The following PRPF39 variants were observed in gnomAD, a reference collection of about 807,000 sequenced individuals.
PRPF39 encodes the protein pre-mRNA-processing factor 39.
In PRPF39, 27 loss-of-function variants were observed where a neutral mutation model predicts 82.1. The ratio of observed to expected loss-of-function variants is 0.33; its 90% CI spans 0.24 to 0.45. PRPF39 has a LOEUF of 0.45. Among genes scored for constraint, PRPF39 ranks in the 20% least tolerant of loss-of-function variants. PRPF39 has a pLI of 1.00. For missense variants in PRPF39, 581 were observed against 796.9 expected (o/e 0.73, Z 3.26); for synonymous variants, 261 against 256.4 (o/e 1.02, Z -0.17).
At chr14:45,112,020 C>T (rs1289439373) in intron 10 of PRPF39, among the ~76,000 whole-genome samples, 1 of 151,814 alleles carries the variant, frequency 6.6e-6, no homozygotes. Context: ...TTCTAATTGT[C>T]ATGGTAGGTC....
In PRPF39 at chr14:45,116,278, G is replaced by C. The variant is rs1203413702; in HGVS notation, c.*1365G>C. 1 of 1,582,962 alleles carries C rather than the reference G, an allele frequency of 6.3e-7. No individual in the cohort carries two copies. The highest frequency in any genetic ancestry group is 1.7e-5 in the Admixed American group (1 of 59,912). The stretch of plus-strand genomic sequence containing the variant: ...CTGTTGAAGAAGTCAAGGTACATTT[G>C]ATAAAAAGTGCCTCTCCCCTACCCC... On this transcript the variant is annotated 3_prime_UTR_variant, in exon 14 of 14. Transcript: ENST00000355765.
chr14:45,105,156 G>T (rs1439717279), intron 5 of PRPF39, among the ~76,000 whole-genome samples: 1 of 152,076 alleles, frequency 6.6e-6, no homozygotes, highest in Non-Finnish European at 1.5e-5. Flanking sequence ...CTGAATAAAT[G>T]TTAGCTTTAT....
At chr14:45,097,462 T>C (rs1319714176) in intron 4 of PRPF39, among the ~76,000 whole-genome samples, 3 of 152,198 alleles carry the variant, frequency 2.0e-5, no homozygotes, top group African/African-American at 7.2e-5. Flanking sequence ...AGTGAACATC[T>C]CTGTACAAGT....
Position 45,110,773 on chromosome 14 carries a change from C to T in PRPF39, c.1528C>T (p.Pro510Ser). ...TCTTTTCAAAATACAGAAAAACCTTCCAAAATCAAGAAAGGTGCTTTTGGA... is the reference window on the plus strand; with the variant it reads ...TCTTTTCAAAATACAGAAAAACCTTTCAAAATCAAGAAAGGTGCTTTTGGA... ...RHLFKIQKNL[P>S]KSRKVLLEAI... Residue 510 changes from proline to serine, a missense_variant, in exon 10 of 14, where the codon CCA becomes TCA. Pro to Ser is a moderately conservative substitution (Grantham distance 74). Coordinates refer to ENST00000355765, the MANE Select transcript of PRPF39 (RefSeq NM_017922.4). This position sits in a 1 kb window ranked among gnomAD's most constrained non-coding sequence, Gnocchi z 4.0. The T allele has an allele frequency of 3.2e-6, 5 of 1,553,942 alleles. No homozygotes were observed. The highest frequency in any genetic ancestry group is 2.4e-5 in the East Asian group (1 of 41,314).
chr14:45,116,061 A>G lies in PRPF39; in HGVS notation c.*1148A>G, dbSNP rs1391848152. 1.6e-6 allele frequency: 1 copy of G among 619,726 alleles called. No individual in the cohort carries two copies. Among genetic ancestry groups the G allele is most frequent in the African/African-American group, 1.8e-5 (1 of 54,946 alleles). The allele number at this position is 619,726 out of a possible 1,614,324, so 38.4% of individuals were successfully genotyped here. ...TCTCAAAAGCTGGGACCAAGTAAAC[A>G]AATTTTATTAACTCCTTGAATTTTC... On this transcript the variant is annotated 3_prime_UTR_variant, in exon 14 of 14. Transcript: ENST00000355765.
Position 45,102,544 on chromosome 14 carries a change from T to C in PRPF39, c.585T>C (p.Ala195=), listed in dbSNP as rs1450451209. The change falls in exon 5 of 14, where the codon GCT becomes GCC. Residue 195 remains alanine, a synonymous_variant. Transcript: ENST00000355765. ...NNTIRGTFEH[A]VLAAGTDFRS... ...AATTTTTCAGAACTTTTGAGCATGC[T>C]GTTCTAGCTGCAGGAACAGATTTCC... 1.9e-6 allele frequency: 3 copies of C among 1,599,148 alleles called. No individual in the cohort carries two copies. The African/African-American group carries it at 4.0e-5, about 22-fold the overall frequency.
intron 1 of PRPF39, among the ~76,000 whole-genome samples, chr14:45,086,849 T>G (rs1400412027): frequency 2.1e-5 from 3 of 144,996 alleles, no homozygotes; most frequent in South Asian, 2.1e-4. Context: ...TTTCTCAGTT[T>G]TTTTTTTTTT....
At chr14:45,107,153 T>C (rs1043459646) in intron 5 of PRPF39, among the ~76,000 whole-genome samples, 9 of 152,158 alleles carry the variant, frequency 5.9e-5, no homozygotes, top group Non-Finnish European at 1.3e-4. Flanking sequence ...AAGAAAACCT[T>C]CCCTAGTCAG....
intron 1 of PRPF39, among the ~76,000 whole-genome samples, chr14:45,090,067 AAT>A (rs1189017715): frequency 1.3e-5 from 2 of 152,240 alleles, no homozygotes; most frequent in Admixed American, 6.5e-5. Context: ...GTAGCTAGTT[AAT>A]GACTCAGAAT....
chr14:45,112,007 G>A (rs927893206), intron 10 of PRPF39, among the ~76,000 whole-genome samples: 1 of 151,850 alleles, frequency 6.6e-6, no homozygotes, highest in Non-Finnish European at 1.5e-5. Context: ...TTTATGTTTT[G>A]TTTTCTAATT....
chr14:45,086,411 TTA>T (rs1299037017), intron 1 of PRPF39, among the ~76,000 whole-genome samples: 3 of 152,244 alleles, frequency 2.0e-5, no homozygotes, highest in African/African-American at 7.2e-5. Flanking sequence ...TCACTTTATG[TTA>T]TGTTTCATTT....
chr14:45,109,720 T>C lies in PRPF39; in HGVS notation c.1116T>C (p.Val372=). The change falls in exon 8 of 14, where the codon GTT becomes GTC. Residue 372 remains valine, a synonymous_variant. Coordinates refer to ENST00000355765, the MANE Select transcript of PRPF39 (RefSeq NM_017922.4). ...TTGAAAATGGGACTCATGAACGAGT[T>C]GTGGTTCTCTTTGAAAGATGTGTCA... The part of the protein sequence containing the change: ...FEIENGTHER[V]VVLFERCVIS... 6.2e-7 allele frequency: 1 copy of C among 1,608,788 alleles called. No homozygotes were observed. The highest frequency in any genetic ancestry group is 8.5e-7 in the Non-Finnish European group (1 of 1,177,210).
At chr14:45,085,200 C>T (rs1312651819) in intron 1 of PRPF39, among the ~76,000 whole-genome samples, 1 of 152,120 alleles carries the variant, frequency 6.6e-6, no homozygotes, top group Non-Finnish European at 1.5e-5. Context: ...TCAGGTTTTC[C>T]TCCTCCCTCT....
chr14:45,091,255 C>T (rs548529420), intron 1 of PRPF39, among the ~76,000 whole-genome samples: 2 of 152,228 alleles, frequency 1.3e-5, no homozygotes, highest in African/African-American at 4.8e-5. Flanking sequence ...ATTCTCCCAC[C>T]CCAGCCTCCT....
At chr14:45,113,272 T>C (rs988326871) in intron 11 of PRPF39, among the ~76,000 whole-genome samples, 7 of 152,376 alleles carry the variant, frequency 4.6e-5, no homozygotes, top group African/African-American at 1.7e-4. Context: ...CTAATGTTTA[T>C]ATTAGTGTAT....
chr14:45,089,480 T>G (rs1883950526), intron 1 of PRPF39, among the ~76,000 whole-genome samples: 1 of 152,186 alleles, frequency 6.6e-6, no homozygotes, highest in African/African-American at 2.4e-5. Flanking sequence ...ATTTCTTTCT[T>G]TTTTTTGAGG....
At position 45,114,562 on chromosome 14, in the gene PRPF39, A is replaced by G; in HGVS notation, c.1901A>G (p.Asp634Gly). The change falls in exon 13 of 14, where the codon GAT becomes GGT. Residue 634 changes from aspartate (D) to glycine (G), a missense_variant. Physicochemically the swap from Asp to Gly is moderately conservative, Grantham distance 94. Coordinates refer to ENST00000355765, the MANE Select transcript of PRPF39 (RefSeq NM_017922.4). ...ACTTCATCATCTACACAGATGATTG[A>G]TGGTGATTTACAGGCAAACCAAGCT... ...DTTSSSTQMI[D>G]GDLQANQAVY... is the part of the protein sequence containing the mutation. The G allele has an allele frequency of 6.2e-7, 1 of 1,609,020 alleles. No individual in the cohort carries two copies. Among genetic ancestry groups the G allele is most frequent in the Non-Finnish European group, 8.5e-7 (1 of 1,178,080 alleles).
At chr14:45,104,522 A>G (rs892723588) in intron 5 of PRPF39, among the ~76,000 whole-genome samples, 1 of 152,194 alleles carries the variant, frequency 6.6e-6, no homozygotes, top group Non-Finnish European at 1.5e-5. Context: ...AGTTGTAGGA[A>G]TGAAGGCCCA....
intron 10 of PRPF39, among the ~76,000 whole-genome samples, 169 bp from the exon 11 acceptor site, chr14:45,112,149 G>C (rs1884716768): frequency 6.6e-6 from 1 of 152,086 alleles, no homozygotes; most frequent in South Asian, 2.1e-4. Context: ...GTGTGTTAAT[G>C]AATTTTTTCA....
Sources: allele counts gnomAD v4.1 joint callset (sites outside exome capture counted in the v4.1 genomes callset), GRCh38; gene constraint gnomAD v4.1.1; non-coding constraint Gnocchi (gnomAD v3.1); transcripts MANE v1.5; gene names NCBI Gene and HGNC (gene_info 2026-07-23, HGNC 2026-07-21).